The following SPG7 variants were observed in gnomAD, a reference collection of about 807,000 sequenced individuals.
The protein encoded by SPG7 is SPG7 matrix AAA peptidase subunit, paraplegin.
In SPG7, 103 loss-of-function variants were observed where a neutral mutation model predicts 81.9. That is an observed-to-expected ratio of 1.26 (90% CI 1.07 to 1.48). The LOEUF (loss-of-function observed/expected upper bound fraction) is 1.48. Among genes scored for constraint, SPG7 ranks in the 40% most tolerant of loss-of-function variants. The pLI, the probability that SPG7 is intolerant of heterozygous loss-of-function variation, is 0.00. For missense variants in SPG7, 1,241 were observed against 1,087.3 expected (o/e 1.14, Z -1.99); for synonymous variants, 534 against 444.2 (o/e 1.20, Z -2.54).
At chr16:89,549,116 T>G (rs1369344212) in intron 12 of SPG7, 1 of 456,496 alleles carries the variant, frequency 2.2e-6, no homozygotes, top group African/African-American at 2.0e-5. Flanking sequence ...TGCCTGTGTC[T>G]TACTGAAATT....
chr16:89,510,481 T>G lies in SPG7; in HGVS notation c.184-9T>G. On this transcript the variant is annotated splice_polypyrimidine_tract_variant and intron_variant, in intron 1 of 16. Transcript: ENST00000645818. The stretch of plus-strand genomic sequence containing the variant: ...GTGACCTCCAGTATTGTTTTTTTTT[T>G]TTTTTCAGAGCTTACAATTGAGACT... The G allele has an allele frequency of 6.4e-7, 1 of 1,565,178 alleles. No homozygotes were observed. The highest frequency in any genetic ancestry group is 8.8e-7 in the Non-Finnish European group (1 of 1,139,212).
At chr16:89,519,347 A>G (rs1208779755) in intron 3 of SPG7, 3 of 151,592 alleles carry the variant, frequency 2.0e-5, no homozygotes, top group Non-Finnish European at 4.4e-5. Flanking sequence ...GCTAACTAGA[A>G]CTAGAAAACT....
At chr16:89,552,568 C>T (rs529677922) in intron 13 of SPG7, 16 of 285,632 alleles carry the variant, frequency 5.6e-5, no homozygotes, top group Non-Finnish European at 7.6e-5. Context: ...GGGGGAGCAG[C>T]AGAGGTGAGG....
chr16:89,546,375 C>T (rs1419949433), intron 10 of SPG7: 16 of 400,462 alleles, frequency 4.0e-5, no homozygotes, highest in Admixed American at 7.0e-5. Flanking sequence ...GTGTTCTGTT[C>T]GTGTTTAAAA....
chr16:89,550,403 C>T (rs1023625120), intron 12 of SPG7, 91 bp from the exon 13 acceptor site: 13 of 868,264 alleles, frequency 1.5e-5, no homozygotes, highest in Middle Eastern at 2.2e-4. Flanking sequence ...GAACTCCTGT[C>T]CTCAGGTCAT....
At chr16:89,516,190 G>A (rs1307859295) in intron 3 of SPG7, among the ~76,000 whole-genome samples, 1 of 151,876 alleles carries the variant, frequency 6.6e-6, no homozygotes, top group Non-Finnish European at 1.5e-5. Context: ...GTTTGGCCAC[G>A]TTGGTCAGGC....
chr16:89,511,791 C>G (rs1364628313), intron 2 of SPG7, among the ~76,000 whole-genome samples: 2 of 152,194 alleles, frequency 1.3e-5, no homozygotes, highest in East Asian at 3.8e-4. Context: ...GCAATCTCTA[C>G]TCACTGCAGC....
At chr16:89,544,362 C>T (rs527405920) in intron 9 of SPG7, 3 of 411,644 alleles carry the variant, frequency 7.3e-6, no homozygotes, top group African/African-American at 4.1e-5. Flanking sequence ...CAGATGGCAC[C>T]GTGAGGCAGG....
intron 2 of SPG7, among the ~76,000 whole-genome samples, chr16:89,511,892 GTGT>G (rs201292211): frequency 8.3e-4 from 121 of 145,380 alleles, no homozygotes; most frequent in Non-Finnish European, 1.3e-3. Context: ...CTACATTTTT[GTGT>G]TGTTGTTGTT....
intron 12 of SPG7, chr16:89,548,906 G>A (rs894751548): frequency 1.3e-5 from 6 of 452,536 alleles, no homozygotes; most frequent in South Asian, 6.2e-5. Context: ...CCTCCTTTGC[G>A]AGCTATCCCT....
Position 89,508,513 on chromosome 16 carries a change from G to A in SPG7, c.96G>A (p.Gly32=), listed in dbSNP as rs1266180542. The change falls in exon 1 of 17, where the codon GGG becomes GGA. Residue 32 remains glycine (G), a synonymous_variant. Transcript: ENST00000645818. ...LWGPGPAWSP[G]FPARPGRGRP... is the part of the protein sequence containing the mutation. ...GCCCAGGCCCGGCCTGGAGTCCAGG[G>A]TTCCCCGCCAGGCCCGGGAGGGGGC... is the stretch of plus-strand genomic sequence containing the variant. The A allele has an allele frequency of 2.0e-6, 3 of 1,515,230 alleles. No homozygotes were observed. Among genetic ancestry groups the A allele is most frequent in the South Asian group, 2.4e-5 (2 of 81,870 alleles). The allele number at this position is 1,515,230 out of a possible 1,614,324, so 93.9% of individuals were successfully genotyped here. A position where few individuals can be genotyped will look rare whatever the true frequency, so the allele number is the denominator to read the frequency against.
At position 89,531,928 on chromosome 16, in the gene SPG7, G is replaced by T. The variant is rs1304316127; in HGVS notation, c.1012G>T (p.Gly338Cys). 1.6e-5 allele frequency: 26 copies of T among 1,614,014 alleles called. No homozygotes were observed. In the Admixed American group the frequency reaches 4.3e-4, roughly 27 times the overall value. ...GAGCCCAGAACGCTTCCTCCAGCTT[G>T]GCGCCAAGGTCCCAAAGGGCGCACT... Reference protein sequence around the residue: ...LKSPERFLQLGAKVPKGALLL... With the variant: ...LKSPERFLQLCAKVPKGALLL... Residue 338 changes from glycine (G) to cysteine (C), a missense_variant, in exon 8 of 17, where the codon GGC becomes TGC. Gly to Cys is a radical substitution (Grantham distance 159). Coordinates refer to ENST00000645818, the MANE Select transcript of SPG7 (RefSeq NM_003119.4).
chr16:89,545,801 G>A (rs2058556699), intron 10 of SPG7: 2 of 377,610 alleles, frequency 5.3e-6, no homozygotes, highest in African/African-American at 2.1e-5. Flanking sequence ...TTTGCTGTGT[G>A]TGACGTGCTT....
chr16:89,531,581 C>G, intron 7 of SPG7: 1 of 374,688 alleles, frequency 2.7e-6, no homozygotes, highest in South Asian at 2.4e-5. Flanking sequence ...TCCATGTTGG[C>G]CAGGCTGGTC....
intron 14 of SPG7, 79 bp from the exon 15 acceptor site, chr16:89,553,715 C>T: frequency 1.4e-6 from 2 of 1,454,480 alleles, no homozygotes; most frequent in South Asian, 1.1e-5. Flanking sequence ...CCTCAGTGCT[C>T]TGACCGGGAC....
At chr16:89,517,414 G>A (rs1184180611) in intron 3 of SPG7, 1 of 152,292 alleles carries the variant, frequency 6.6e-6, no homozygotes, top group African/African-American at 2.4e-5. Flanking sequence ...AGCCATGGCA[G>A]CTTCCTGGTT....
chr16:89,536,804 G>C (rs778794929), intron 9 of SPG7: 24 of 1,613,980 alleles, frequency 1.5e-5, no homozygotes, highest in Non-Finnish European at 1.7e-5. Context: ...GGGACCATGA[G>C]GAAGCTCAGA....
rs774691810 is a variant in SPG7, at chr16:89,524,113, G to A, written c.484G>A (p.Gly162Arg). ...CCTCCTGAATGCTCTCAGCACCAGC[G>A]GAGGCAGCATTTCCTGGAACGACTT... ...MSLLNALSTS[G>R]GSISWNDFVH... Residue 162 changes from glycine (G) to arginine (R), a missense_variant, in exon 4 of 17, where the codon GGA (glycine) becomes AGA (arginine). By Grantham distance (125) the Gly-to-Arg change is moderately radical (BLOSUM62 -2). Coordinates refer to ENST00000645818, the MANE Select transcript of SPG7 (RefSeq NM_003119.4). 1.2e-5 allele frequency: 19 copies of A among 1,613,984 alleles called. No individual in the cohort carries two copies. The highest frequency in any genetic ancestry group is 6.7e-5 in the East Asian group (3 of 44,898).
In SPG7 at chr16:89,508,405, CT is replaced by C; in HGVS notation, c.-10del. 1 of 1,475,306 alleles carries C rather than the reference CT, an allele frequency of 6.8e-7. No homozygotes were observed. The highest frequency in any genetic ancestry group is 2.3e-5 in the Admixed American group (1 of 42,822). The allele number at this position is 1,475,306 out of a possible 1,614,324, so 91.4% of individuals were successfully genotyped here. A position where few individuals can be genotyped will look rare whatever the true frequency, so the allele number is the denominator to read the frequency against. On this transcript the variant is annotated 5_prime_UTR_variant, in exon 1 of 17. Transcript: ENST00000645818. ...CGCCCCGCGGATCACGCAGGCGCGG[CT>C]TTCAGGCCAACATGGCCGTGCTGCT...
Sources: allele counts gnomAD v4.1 joint callset (sites outside exome capture counted in the v4.1 genomes callset), GRCh38; gene constraint gnomAD v4.1.1; transcripts MANE v1.5; gene names NCBI Gene and HGNC (gene_info 2026-07-23, HGNC 2026-07-21).